Variants in CYTH3 observed in about 807,000 individuals in gnomAD.
The protein encoded by CYTH3 is cytohesin-3.
In CYTH3, 23 loss-of-function variants were observed where a neutral mutation model predicts 55.1. That is an observed-to-expected ratio of 0.42 (90% CI 0.30 to 0.59). The LOEUF (loss-of-function observed/expected upper bound fraction) is 0.59. CYTH3 is among the 20% of genes least tolerant of loss of function. The pLI is 0.20. For synonymous variants in CYTH3, 249 were observed against 194.9 expected, an observed-to-expected ratio of 1.28 and a Z score of -2.31; for missense variants, 413 against 524.8, an observed-to-expected ratio of 0.79 and a Z score of 2.08.
chr7:6,173,162 G>T, intron 6 of CYTH3: 1 of 702,230 alleles, frequency 1.4e-6, no homozygotes, highest in Middle Eastern at 7.0e-4. Context: ...CTTCCTGCTT[G>T]CAGAGCAGGA....
chr7:6,178,636 G>A (rs767192564), intron 4 of CYTH3, among the ~76,000 whole-genome samples: 1 of 152,198 alleles, frequency 6.6e-6, no homozygotes, highest in Admixed American at 6.5e-5. Context: ...TGCCACTTGG[G>A]AGCCACCTAC....
At chr7:6,189,479 G>C (rs781382479) in intron 2 of CYTH3, among the ~76,000 whole-genome samples, 3 of 151,868 alleles carry the variant, frequency 2.0e-5, no homozygotes, top group Non-Finnish European at 4.4e-5. Context: ...GCATGGTGGC[G>C]TGCATTTTTT....
intron 1 of CYTH3, among the ~76,000 whole-genome samples, chr7:6,226,112 A>G (rs1297064957): frequency 1.3e-5 from 2 of 152,186 alleles, no homozygotes; most frequent in Non-Finnish European, 2.9e-5. Context: ...CCCTACATCA[A>G]GGAATGTGTT....
intron 1 of CYTH3, among the ~76,000 whole-genome samples, chr7:6,250,482 C>T (rs1472325037): frequency 6.6e-6 from 1 of 152,190 alleles, no homozygotes; most frequent in Non-Finnish European, 1.5e-5. Flanking sequence ...GTCTCAGTTC[C>T]ACCCACAGGA....
rs1180863079 is a variant in CYTH3 at position 6,258,652 on chromosome 7, G to A, written c.34+13822C>T. 9.2e-5 allele frequency among the ~76,000 whole-genome samples: 14 copies of A among 152,250 alleles called. 1 individual carries two copies. In the South Asian group the frequency reaches 2.7e-3, roughly 29 times the overall value. ...AGTCAAATATGGCTGTAACAATGAC[G>A]ACAAGCTACAAGGCAACAGGCAACA... On this transcript the variant is annotated intron_variant, in intron 1 of 12. Transcript: ENST00000350796.
intron 1 of CYTH3, among the ~76,000 whole-genome samples, chr7:6,259,804 TA>T (rs1469284414): frequency 1.5e-3 from 45 of 30,152 alleles, no homozygotes; most frequent in Non-Finnish European, 1.9e-3. Context: ...TATATATATA[TA>T]TATATATAAT....
At chr7:6,242,267 G>A (rs984668324) in intron 1 of CYTH3, among the ~76,000 whole-genome samples, 1 of 151,768 alleles carries the variant, frequency 6.6e-6, no homozygotes, top group Non-Finnish European at 1.5e-5. Flanking sequence ...TAGTAGAGAT[G>A]GGGTTTCACC....
At chr7:6,196,452 TTTTC>T (rs1350758132) in intron 1 of CYTH3, among the ~76,000 whole-genome samples, 2 of 140,240 alleles carry the variant, frequency 1.4e-5, no homozygotes, top group Non-Finnish European at 3.0e-5. Context: ...TTTTTTCTTT[TTTTC>T]TTTTTTTTTT....
rs1461014386 is a variant in CYTH3, at chr7:6,165,742, A to G, written c.892T>C (p.Tyr298His). 2 of 1,614,038 alleles carry G rather than the reference A, an allele frequency of 1.2e-6. No individual in the cohort carries two copies. The highest frequency in any genetic ancestry group is 4.5e-5 in the East Asian group (2 of 44,886). Reference protein sequence around the residue: ...LTDNCLYYFEYTTDKEPRGII... With the variant: ...LTDNCLYYFEHTTDKEPRGII... ...GCCTGGCCCTTACTTACTGTTGTGT[A>G]TTCAAAGTAATAGAGGCAGTTATCG... Residue 298 changes from tyrosine to histidine, a missense_variant, in exon 10 of 13, where the codon TAC (tyrosine) becomes CAC (histidine). Tyr to His is a moderately conservative substitution (Grantham distance 83). This residue lies in a region of CYTH3 where 7 missense variants were observed against 28.4 expected (regional missense o/e 0.25). Transcript: ENST00000350796.
intron 1 of CYTH3, among the ~76,000 whole-genome samples, chr7:6,217,809 A>T (rs1396761295): frequency 6.6e-6 from 1 of 152,162 alleles, no homozygotes; most frequent in African/African-American, 2.4e-5. Flanking sequence ...TCCAGGTCCT[A>T]ATCTCTAGAA....
chr7:6,254,851 T>C (rs1425341776), intron 1 of CYTH3, among the ~76,000 whole-genome samples: 2 of 152,244 alleles, frequency 1.3e-5, no homozygotes, highest in African/African-American at 4.8e-5. Context: ...CTGGTGAATT[T>C]AGGTGAAAGA....
At chr7:6,272,342 G>C (rs1780685916) in intron 1 of CYTH3, 132 bp downstream of exon 1, 1 of 856,620 alleles carries the variant, frequency 1.2e-6, no homozygotes, top group Non-Finnish European at 1.5e-6. Flanking sequence ...CAGGCCTCCA[G>C]CGGACGCCGC....
chr7:6,162,119 G>A lies in CYTH3; in HGVS notation c.*2825C>T, dbSNP rs1408335336. 2.0e-5 allele frequency: 3 copies of A among 152,634 alleles called. No homozygotes were observed. The highest frequency in any genetic ancestry group is 2.9e-5 in the Non-Finnish European group (2 of 68,052). 9.5% of individuals were successfully genotyped at this position (152,634 alleles called of 1,614,324 possible). On this transcript the variant is annotated 3_prime_UTR_variant, in exon 13 of 13. Transcript: ENST00000350796. ...TTTAAAAATAGGCATTGCTTTCTAT[G>A]AAGCACTAAGTGCTGCTCCATCTAT...
intron 1 of CYTH3, among the ~76,000 whole-genome samples, chr7:6,250,211 G>A (rs1779927184): frequency 6.6e-6 from 1 of 152,156 alleles, no homozygotes; most frequent in South Asian, 2.1e-4. Flanking sequence ...GGTCTTCAGA[G>A]AGAGTAAAAA....
At chr7:6,230,282 C>T (rs983986021) in intron 1 of CYTH3, among the ~76,000 whole-genome samples, 7 of 152,202 alleles carry the variant, frequency 4.6e-5, no homozygotes, top group African/African-American at 1.7e-4. Flanking sequence ...ATATTAACCA[C>T]TATTAACATT....
chr7:6,259,777 T>G lies in CYTH3; in HGVS notation c.34+12697A>C, dbSNP rs1780262133. Among the ~76,000 whole-genome samples the G allele has an allele frequency of 1.5e-4, 3 of 19,960 alleles. No individual in the cohort carries two copies. In the African/African-American group the frequency reaches 2.6e-3, roughly 17 times the overall value. The allele number at this position is 19,960 out of a possible 152,430, so 13.1% of individuals were successfully genotyped here. On this transcript the variant is annotated intron_variant, in intron 1 of 12. Coordinates refer to ENST00000350796, the MANE Select transcript of CYTH3 (RefSeq NM_004227.4). Reference sequence around the variant, plus strand: ...ATATATTATATATATATATATTATATATATATAATATATATATATATATAT... The same window carrying G: ...ATATATTATATATATATATATTATAGATATATAATATATATATATATATAT...
intron 3 of CYTH3, 109 bp from the exon 4 acceptor site, chr7:6,187,225 G>A: frequency 8.2e-7 from 1 of 1,215,202 alleles, no homozygotes; most frequent in South Asian, 1.3e-5. Flanking sequence ...AGGAAGCGAA[G>A]CACAGGCCCT....
chr7:6,252,780 T>C (rs192426164), intron 1 of CYTH3, among the ~76,000 whole-genome samples: 45 of 152,358 alleles, frequency 3.0e-4, no homozygotes, highest in African/African-American at 1.0e-3. Flanking sequence ...CAAAAGTATC[T>C]CTTGAAAATT....
chr7:6,198,091 TAAGA>T (rs1783977218), intron 1 of CYTH3, among the ~76,000 whole-genome samples: 2 of 91,578 alleles, frequency 2.2e-5, no homozygotes, highest in Admixed American at 1.3e-4. Context: ...GAGACACTCT[TAAGA>T]AAAAAAAAAA....
Sources: gnomAD v4.1 joint callset for allele counts (sites outside exome capture counted in the v4.1 genomes callset) on GRCh38, gnomAD v4.1.1 for gene constraint, gnomAD v4.1.1 regional missense constraint, MANE v1.5 for transcripts, NCBI Gene and HGNC (gene_info 2026-07-23, HGNC 2026-07-21) for gene names.